The following EHD1 variants were observed in gnomAD, a reference collection of about 807,000 sequenced individuals.
The protein encoded by EHD1 is EH domain-containing protein 1.
In EHD1, 19 loss-of-function variants were observed where a neutral mutation model predicts 39.0. The ratio of observed to expected loss-of-function variants is 0.49; its 90% CI spans 0.34 to 0.72. EHD1 has a LOEUF of 0.72. Ranked by LOEUF, EHD1 falls within the 30% of genes least tolerant of loss-of-function variation. The pLI is 0.01. For synonymous variants in EHD1, 323 were observed against 331.2 expected, an observed-to-expected ratio of 0.98 and a Z score of 0.27; for missense variants, 542 against 751.5, an observed-to-expected ratio of 0.72 and a Z score of 3.26.
upstream of EHD1, chr11:64,878,798 TC>T (rs1404188009): frequency 8.4e-7 from 1 of 1,195,664 alleles, no homozygotes; most frequent in African/African-American, 1.6e-5. Flanking sequence ...ATTCCAAATC[TC>T]GCGAGGCTGT....
chr11:64,861,312 TGCTA>T, intron 2 of EHD1, among the ~76,000 whole-genome samples: 1 of 151,942 alleles, frequency 6.6e-6, no homozygotes, highest in Non-Finnish European at 1.5e-5. Flanking sequence ...CATAAACAGG[TGCTA>T]ATGCAAAGGT....
upstream of EHD1, chr11:64,879,667 C>T: frequency 6.4e-7 from 1 of 1,550,850 alleles, no homozygotes; most frequent in Non-Finnish European, 8.7e-7. Context: ...CGGCCACACA[C>T]AGACCCCTTT....
intron 2 of EHD1, among the ~76,000 whole-genome samples, chr11:64,867,921 G>A (rs371755298): frequency 2.0e-5 from 3 of 152,152 alleles, no homozygotes; most frequent in African/African-American, 4.8e-5. Flanking sequence ...GGCGACCCGC[G>A]TCCCACCCAG....
upstream of EHD1, chr11:64,879,076 G>A (rs772392206): frequency 7.3e-4 from 729 of 998,934 alleles, no homozygotes; most frequent in Non-Finnish European, 8.2e-4. Flanking sequence ...CGGAAGCATC[G>A]GAGTACCCCC....
chr11:64,853,089 G>A lies in EHD1; in HGVS notation c.*1244C>T, dbSNP rs917141289. 2 of 152,418 alleles carry A rather than the reference G, an allele frequency of 1.3e-5. No homozygotes were observed. The highest frequency in any genetic ancestry group is 2.9e-5 in the Non-Finnish European group (2 of 68,082). 9.4% of individuals were successfully genotyped at this position (152,418 alleles called of 1,614,324 possible). On this transcript the variant is annotated 3_prime_UTR_variant, in exon 5 of 5. Transcript: ENST00000320631. The stretch of plus-strand genomic sequence containing the variant: ...GGGCTCAATGGCCCCAGGCAGAGGA[G>A]GGGGAGGCGGCCTGAACTGGCCCGG...
In EHD1 at chr11:64,858,026, C is replaced by CT. The variant is rs11327531; in HGVS notation, c.915+1897dup. On this transcript the variant is annotated intron_variant, in intron 3 of 4. Coordinates refer to ENST00000320631, the MANE Select transcript of EHD1 (RefSeq NM_006795.4). ...TGGAGATAGGAGCTACGGCAAGGGCCTTTTTTTTTTTTTTTTTTTTTAAAT... is the reference window on the plus strand; with the variant it reads ...TGGAGATAGGAGCTACGGCAAGGGCCTTTTTTTTTTTTTTTTTTTTTTAAAT... Among the ~76,000 whole-genome samples the CT allele has an allele frequency of 4.2e-3, 512 of 121,804 alleles. 5 individuals carry two copies. Among genetic ancestry groups the CT allele is most frequent in the African/African-American group, 9.4e-3 (317 of 33,772 alleles). 79.9% of individuals were successfully genotyped at this position (121,804 alleles called of 152,430 possible).
intron 3 of EHD1, among the ~76,000 whole-genome samples, chr11:64,857,738 G>A (rs1298633922): frequency 6.6e-6 from 1 of 152,208 alleles, no homozygotes; most frequent in Non-Finnish European, 1.5e-5. Context: ...CCATGCCTCT[G>A]AGCAGGCAGG....
intron 2 of EHD1, among the ~76,000 whole-genome samples, chr11:64,863,226 C>T (rs905237256): frequency 2.6e-5 from 4 of 152,328 alleles, no homozygotes; most frequent in South Asian, 4.1e-4. Context: ...TGGGCCCAAA[C>T]GAGTCCTCAG....
intron 3 of EHD1, among the ~76,000 whole-genome samples, chr11:64,859,020 T>A (rs1943684612): frequency 6.6e-6 from 1 of 152,226 alleles, no homozygotes; most frequent in Non-Finnish European, 1.5e-5. Flanking sequence ...CAGCTTAAGC[T>A]TCAGCTCCTG....
Position 64,878,168 on chromosome 11 carries a change from G to C in EHD1, c.297C>G (p.Ala99=). ...CGCCCTCAGTGGGGCCGTGCATGAC[G>C]GCGATGAAGGAGTCGGTGGTGGGCT... ...GPEPTTDSFI[A]VMHGPTEGVV... is the part of the protein sequence containing the mutation. The change falls in exon 1 of 5, where the codon GCC becomes GCG. Residue 99 remains alanine (A), a synonymous_variant. Transcript: ENST00000320631. 1 of 1,604,874 alleles carries C rather than the reference G, an allele frequency of 6.2e-7. No homozygotes were observed. Among genetic ancestry groups the C allele is most frequent in the Non-Finnish European group, 8.5e-7 (1 of 1,172,736 alleles).
Position 64,878,503 on chromosome 11 carries a change from G to T in EHD1, c.-39C>A. The T allele has an allele frequency of 6.4e-7, 1 of 1,550,952 alleles. No homozygotes were observed. On this transcript the variant is annotated 5_prime_UTR_variant, in exon 1 of 5. Coordinates refer to ENST00000320631, the MANE Select transcript of EHD1 (RefSeq NM_006795.4). Reference sequence around the variant, plus strand: ...GGGCTGGCTGCTGCGGGGCAGAGCGGCGGCTGAGAGCGGGGCGAGGGTGCG... The same window carrying T: ...GGGCTGGCTGCTGCGGGGCAGAGCGTCGGCTGAGAGCGGGGCGAGGGTGCG...
intron 2 of EHD1, among the ~76,000 whole-genome samples, chr11:64,862,306 T>C (rs746303147): frequency 4.6e-5 from 7 of 152,212 alleles, no homozygotes; most frequent in South Asian, 2.1e-4. Context: ...AGACTGCTAA[T>C]TGAAATTCCT....
chr11:64,874,101 C>T (rs1352924187), intron 2 of EHD1, among the ~76,000 whole-genome samples: 43 of 150,728 alleles, frequency 2.9e-4, no homozygotes, highest in African/African-American at 9.7e-4. Flanking sequence ...GTCAGGAGTT[C>T]GAGACCAGCC....
At chr11:64,870,031 A>G (rs1943811401) in intron 2 of EHD1, among the ~76,000 whole-genome samples, 1 of 152,218 alleles carries the variant, frequency 6.6e-6, no homozygotes, top group Admixed American at 6.5e-5. Flanking sequence ...ACGAGAGCCC[A>G]GGCCACCAGG....
upstream of EHD1, chr11:64,879,136 C>T (rs117769276): frequency 2.2e-5 from 22 of 1,013,896 alleles, no homozygotes; most frequent in Non-Finnish European, 2.6e-5. Flanking sequence ...CACACACTGT[C>T]TTTGTCCCCT....
At chr11:64,876,291 C>T (rs1943884750) in intron 1 of EHD1, among the ~76,000 whole-genome samples, 1 of 152,216 alleles carries the variant, frequency 6.6e-6, no homozygotes, top group Non-Finnish European at 1.5e-5. Context: ...GCTGTATCAG[C>T]CAGAGAAAAG....
intron 2 of EHD1, among the ~76,000 whole-genome samples, chr11:64,863,017 C>T (rs369396607): frequency 3.3e-4 from 50 of 152,360 alleles, no homozygotes; most frequent in African/African-American, 1.2e-3. Context: ...TGGGCCCCAC[C>T]CCCGAGGGGC....
intron 1 of EHD1, 24 bp downstream of exon 1, chr11:64,878,037 C>G: frequency 6.7e-7 from 1 of 1,488,760 alleles, no homozygotes; most frequent in East Asian, 2.4e-5. Context: ...GCGCCCCCCG[C>G]CCCCTGGAGT....
At chr11:64,861,060 C>T (rs963331701) in intron 2 of EHD1, among the ~76,000 whole-genome samples, 1 of 151,054 alleles carries the variant, frequency 6.6e-6, no homozygotes, top group African/African-American at 2.4e-5. Flanking sequence ...GTGGCACATG[C>T]CTGTAGTCCT....
Sources: gnomAD v4.1 joint callset for allele counts (sites outside exome capture counted in the v4.1 genomes callset) on GRCh38, gnomAD v4.1.1 for gene constraint, MANE v1.5 for transcripts, NCBI Gene and HGNC (gene_info 2026-07-23, HGNC 2026-07-21) for gene names.